Variants in INTS11 observed in about 807,000 individuals in gnomAD.
INTS11 encodes the protein integrator complex subunit 11, also known as CPSF3-like protein.
A neutral mutation model predicts 78.6 loss-of-function variants in INTS11; 77 were observed. That is an observed-to-expected ratio of 0.98 (90% CI 0.81 to 1.18). The LOEUF (loss-of-function observed/expected upper bound fraction) is 1.18. Among genes scored for constraint, INTS11 ranks in the 50% most tolerant of loss-of-function variants. INTS11 has a pLI of 0.00. For missense variants in INTS11, 875 were observed against 825.9 expected (o/e 1.06, Z -0.73); for synonymous variants, 441 against 326.9 (o/e 1.35, Z -3.77).
Position 1,311,601 on chromosome 1 carries a change from C to G in INTS11, c.*258G>C, listed in dbSNP as rs1180011275. ...CACCAAGAAGAGAGTACCAAGTAGT[C>G]TTTTGTTCAGCTTTTACTGGAAACT... is the stretch of plus-strand genomic sequence containing the variant. On this transcript the variant is annotated 3_prime_UTR_variant, in exon 17 of 17. Transcript: ENST00000435064. The G allele has an allele frequency of 1.4e-6, 1 of 717,514 alleles. No homozygotes were observed. The highest frequency in any genetic ancestry group is 1.7e-5 in the African/African-American group (1 of 57,506). 44.4% of individuals were successfully genotyped at this position (717,514 alleles called of 1,614,324 possible). A position where few individuals can be genotyped will look rare whatever the true frequency, so the allele number is the denominator to read the frequency against.
chr1:1,319,773 CAA>C (rs998721343), intron 3 of INTS11: 2 of 533,202 alleles, frequency 3.8e-6, no homozygotes. Flanking sequence ...CGAGACAATG[CAA>C]AGCTGCTGAG....
At chr1:1,321,898 T>TTGCC in intron 1 of INTS11, 6 of 1,141,952 alleles carry the variant, frequency 5.3e-6, no homozygotes, top group African/African-American at 1.6e-5. Context: ...TCCCCTTGAA[T>TTGCC]CCCACCCACC....
At position 1,312,466 on chromosome 1, in the gene INTS11, G is replaced by C. The variant is rs746999643; in HGVS notation, c.1438C>G (p.His480Asp). 6 of 1,575,806 alleles carry C rather than the reference G, an allele frequency of 3.8e-6. No individual in the cohort carries two copies. In the East Asian group the frequency reaches 1.4e-4, roughly 37 times the overall value. ...CTGTCCTTCATGATCAGGGTGCCGT[G>C]CAGGAGCCGAGGCTTCTTGGCCTCA... ...LPEAKKPRLLHGTLIMKDSNF... is the reference protein window; with the variant it reads ...LPEAKKPRLLDGTLIMKDSNF... The change falls in exon 14 of 17, where the codon CAC (histidine) becomes GAC (aspartate). Residue 480 changes from histidine to aspartate, a missense_variant. Physicochemically the swap from His to Asp is moderately conservative, Grantham distance 81. Coordinates refer to ENST00000435064, the MANE Select transcript of INTS11 (RefSeq NM_017871.6).
In INTS11 at chr1:1,324,562, C is replaced by A; in HGVS notation, c.28+19G>T. 1 of 1,590,362 alleles carries A rather than the reference C, an allele frequency of 6.3e-7. No homozygotes were observed. The highest frequency in any genetic ancestry group is 8.5e-7 in the Non-Finnish European group (1 of 1,170,578). ...CATACGGAGCCCACCCCACAGCCCT[C>A]CCGGCGGCTCCCACTCACCCAAGGG... is the stretch of plus-strand genomic sequence containing the variant. On this transcript the variant is annotated intron_variant, in intron 1 of 16. Coordinates refer to ENST00000435064, the MANE Select transcript of INTS11 (RefSeq NM_017871.6).
chr1:1,313,981 C>G (rs1269406627), intron 8 of INTS11, 60 bp from the exon 9 acceptor site: 2 of 1,545,516 alleles, frequency 1.3e-6, no homozygotes, highest in East Asian at 4.5e-5. Context: ...CAGGGCAGGA[C>G]TCGGCCGGGT....
intron 10 of INTS11, 132 bp from the exon 11 acceptor site, chr1:1,313,256 C>A: frequency 9.1e-7 from 1 of 1,102,458 alleles, no homozygotes; most frequent in Non-Finnish European, 1.3e-6. Flanking sequence ...AGCCTAGCTG[C>A]AGACTCCAAA....
At position 1,314,578 on chromosome 1, in the gene INTS11, G is replaced by T. The variant is rs768430116; in HGVS notation, c.703-213C>A. 4.7e-6 allele frequency: 3 copies of T among 631,960 alleles called. No individual in the cohort carries two copies. Among genetic ancestry groups the T allele is most frequent in the African/African-American group, 3.7e-5 (2 of 54,302 alleles). The allele number at this position is 631,960 out of a possible 1,614,324, so 39.1% of individuals were successfully genotyped here. On this transcript the variant is annotated intron_variant, in intron 7 of 16. Transcript: ENST00000435064. This position sits in a 1 kb window ranked among gnomAD's most constrained non-coding sequence, Gnocchi z 4.2. Reference sequence around the variant, plus strand: ...GCCGCATGAGAGACAGAAGGGAGCTGCATGAGAGACAGAAGGAGCCTGGCC... The same window carrying T: ...GCCGCATGAGAGACAGAAGGGAGCTTCATGAGAGACAGAAGGAGCCTGGCC...
chr1:1,316,795 G>GC (rs1434864279), intron 4 of INTS11: 1 of 150,098 alleles, frequency 6.7e-6, no homozygotes, highest in Admixed American at 6.7e-5. Context: ...GTGGTGGTGT[G>GC]CGCCTGTAAT....
chr1:1,312,895 T>A lies in INTS11; in HGVS notation c.1186A>T (p.Lys396Ter). The stretch of plus-strand genomic sequence containing the variant: ...TGGCCCACCAGCTGCATGATGCCCT[T>A]GGCGTCCGCGTGTGCGCTGAATGAC... ...YMSFSAHADA[K>*]GIMQLVGQAE... The change falls in exon 12 of 17, where the codon AAG (lysine) becomes TAG (stop). Residue 396 changes from lysine (K) to a stop codon, truncating the protein, a stop_gained. Coordinates refer to ENST00000435064, the MANE Select transcript of INTS11 (RefSeq NM_017871.6). LOFTEE classifies it high-confidence loss of function. The A allele has an allele frequency of 6.2e-7, 1 of 1,612,634 alleles. No individual in the cohort carries two copies. The highest frequency in any genetic ancestry group is 1.7e-5 in the Admixed American group (1 of 60,022).
At chr1:1,312,764 A>C (rs773668889) in intron 12 of INTS11, 23 bp downstream of exon 12, 1 of 1,599,586 alleles carries the variant, frequency 6.3e-7, no homozygotes, top group Non-Finnish European at 8.5e-7. Flanking sequence ...GGTGGGCCCC[A>C]CGCCGCCCGC....
At chr1:1,312,198 T>TCGG in intron 15 of INTS11, 28 bp downstream of exon 15, 1 of 1,078,596 alleles carries the variant, frequency 9.3e-7, no homozygotes, top group African/African-American at 2.4e-5. Flanking sequence ...CCCAAGGGAG[T>TCGG]GGGGGGGGGG....
chr1:1,312,153 G>A lies in INTS11; in HGVS notation c.1608-6C>T, dbSNP rs1199882906. 3.9e-6 allele frequency: 6 copies of A among 1,531,108 alleles called. No individual in the cohort carries two copies. Among genetic ancestry groups the A allele is most frequent in the Middle Eastern group, 2.1e-4 (1 of 4,796 alleles). 94.8% of individuals were successfully genotyped at this position (1,531,108 alleles called of 1,614,324 possible). A position where few individuals can be genotyped will look rare whatever the true frequency, so the allele number is the denominator to read the frequency against. ...CACAGTGGTCCTTCAGGACGCTGTG[G>A]GGAGGCTCGGTGAGACCCTGCCTGG... On this transcript the variant is annotated splice_polypyrimidine_tract_variant and splice_region_variant and intron_variant, in intron 15 of 16. Transcript: ENST00000435064.
At chr1:1,315,674 T>TGAGGGAGGCGGGGGACGGGAAGC (rs1381895141) in intron 4 of INTS11, 56 bp from the exon 5 acceptor site, 145 of 856,766 alleles carry the variant, frequency 1.7e-4, no homozygotes, top group Non-Finnish European at 1.9e-4. Flanking sequence ...GGGCGGGGAG[T>TGAGGGAGGCGGGGGACGGGAAGC]GAGGGAGGCG....
Position 1,314,160 on chromosome 1 carries a change from A to C in INTS11, c.767+141T>G, listed in dbSNP as rs1642428634. On this transcript the variant is annotated intron_variant, in intron 8 of 16. Coordinates refer to ENST00000435064, the MANE Select transcript of INTS11 (RefSeq NM_017871.6). This position sits in a 1 kb window ranked among gnomAD's most constrained non-coding sequence, Gnocchi z 4.2. ...GGGATGTCACAGGCTTCCTGGGGTC[A>C]CACAGCACACGAGCGGCCCCCCAGG... 3 of 868,508 alleles carry C rather than the reference A, an allele frequency of 3.5e-6. No homozygotes were observed. In the Admixed American group the frequency reaches 6.5e-5, roughly 19 times the overall value. 53.8% of individuals were successfully genotyped at this position (868,508 alleles called of 1,614,324 possible). A position where few individuals can be genotyped will look rare whatever the true frequency, so the allele number is the denominator to read the frequency against.
chr1:1,321,357 G>A (rs1216841503), intron 1 of INTS11, among the ~76,000 whole-genome samples: 4 of 152,296 alleles, frequency 2.6e-5, no homozygotes, highest in East Asian at 1.9e-4. Flanking sequence ...AGGTGGCCAC[G>A]GCCTGCTGGC....
At position 1,315,929 on chromosome 1, in the gene INTS11, C is replaced by T. The variant is rs142978025; in HGVS notation, c.430-311G>A. On this transcript the variant is annotated intron_variant, in intron 4 of 16. Coordinates refer to ENST00000435064, the MANE Select transcript of INTS11 (RefSeq NM_017871.6). ...CATCCAGTTCACAAGGGACGGGCAA[C>T]GTGGACAAAGAACGAAAGACAACGG... Among the ~76,000 whole-genome samples the T allele has an allele frequency of 8.5e-3, 1,287 of 152,220 alleles. 5 individuals carry two copies. Among genetic ancestry groups the T allele is most frequent in the Non-Finnish European group, 0.013 (850 of 68,000 alleles).
chr1:1,319,789 A>G, intron 3 of INTS11: 3 of 495,662 alleles, frequency 6.1e-6, no homozygotes, highest in South Asian at 2.5e-5. Flanking sequence ...TGCTGAGGGA[A>G]CCGCGCATAG....
At chr1:1,323,503 C>T (rs972530143) in intron 1 of INTS11, among the ~76,000 whole-genome samples, 6 of 152,262 alleles carry the variant, frequency 3.9e-5, no homozygotes, top group Admixed American at 3.9e-4. Context: ...CTCCTGGGCT[C>T]AAGCAATCCT....
chr1:1,312,771 C>T lies in INTS11; in HGVS notation c.1294+16G>A, dbSNP rs765461698. 1.3e-5 allele frequency: 21 copies of T among 1,602,176 alleles called. No individual in the cohort carries two copies. Among genetic ancestry groups the T allele is most frequent in the Non-Finnish European group, 1.8e-5 (21 of 1,172,406 alleles). On this transcript the variant is annotated intron_variant, in intron 12 of 16. Transcript: ENST00000435064. ...TGACCCGAGGTGGGCCCCACGCCGC[C>T]CGCCCGGCTGCCTACGGAGCTCCTG... is the stretch of plus-strand genomic sequence containing the variant.
Sources: allele counts gnomAD v4.1 joint callset (sites outside exome capture counted in the v4.1 genomes callset), GRCh38; gene constraint gnomAD v4.1.1; non-coding constraint Gnocchi (gnomAD v3.1); transcripts MANE v1.5; gene names NCBI Gene and HGNC (gene_info 2026-07-23, HGNC 2026-07-21).